The following NSG1 variants were observed in gnomAD, a reference collection of about 807,000 sequenced individuals.
NSG1 encodes the protein neuronal vesicle trafficking-associated protein 1.
NSG1 carries 9 observed loss-of-function variants against 19.3 expected under a neutral mutation model. That is an observed-to-expected ratio of 0.47 (90% CI 0.28 to 0.81). The LOEUF is 0.81. Ranked by LOEUF, NSG1 falls within the 40% of genes least tolerant of loss-of-function variation. The pLI is 0.11. For missense variants in NSG1, 236 were observed against 242.4 expected (o/e 0.97, Z 0.18); for synonymous variants, 104 against 107.0 (o/e 0.97, Z 0.17).
At chr4:4,407,866 T>C (rs902435344) in intron 3 of NSG1, among the ~76,000 whole-genome samples, 2 of 152,070 alleles carry the variant, frequency 1.3e-5, no homozygotes, top group African/African-American at 4.8e-5. Flanking sequence ...GCAGGCAGAA[T>C]CTGCACCCTG....
At chr4:4,416,870 C>T (rs1011575054) in intron 4 of NSG1, among the ~76,000 whole-genome samples, 1 of 152,190 alleles carries the variant, frequency 6.6e-6, no homozygotes, top group Non-Finnish European at 1.5e-5. Flanking sequence ...ACTTCCCTTC[C>T]GTCCTCATTT....
chr4:4,408,310 G>A (rs1335615556), intron 3 of NSG1, among the ~76,000 whole-genome samples: 1 of 152,186 alleles, frequency 6.6e-6, no homozygotes, highest in East Asian at 1.9e-4. Context: ...GAGGGGCGGT[G>A]GGGAGCGAGC....
At chr4:4,406,131 G>A (rs1291599939) in intron 3 of NSG1, among the ~76,000 whole-genome samples, 1 of 152,058 alleles carries the variant, frequency 6.6e-6, no homozygotes. Context: ...GGGTTCAAGC[G>A]ATTCTCCTGC....
chr4:4,398,455 A>G (rs1326700709), intron 3 of NSG1, among the ~76,000 whole-genome samples: 1 of 144,560 alleles, frequency 6.9e-6, no homozygotes, highest in East Asian at 2.0e-4. Context: ...GCCCCCCCCC[A>G]CAGCCCCTGG....
chr4:4,397,629 G>A (rs1577283942), intron 3 of NSG1, among the ~76,000 whole-genome samples: 1 of 152,358 alleles, frequency 6.6e-6, no homozygotes, highest in East Asian at 1.9e-4. Context: ...TTTCACGTGA[G>A]TGACCATGTA....
chr4:4,388,741 T>TGTGGGGTGGGGGTGTCCTG (rs1722860050), intron 2 of NSG1, among the ~76,000 whole-genome samples: 1 of 147,266 alleles, frequency 6.8e-6, no homozygotes, highest in Non-Finnish European at 1.5e-5. Context: ...GGGTGGGTGT[T>TGTGGGGTGGGGGTGTCCTG]GTGGGGTGGG....
chr4:4,413,020 C>G (rs1267228938), intron 4 of NSG1, among the ~76,000 whole-genome samples: 2 of 152,168 alleles, frequency 1.3e-5, no homozygotes, highest in African/African-American at 4.8e-5. Context: ...GCACATCATG[C>G]TGTCCTTCAG....
chr4:4,387,699 A>G lies in NSG1; in HGVS notation c.70A>G (p.Thr24Ala), dbSNP rs1722801385. The G allele has an allele frequency of 1.2e-6, 2 of 1,613,646 alleles. No individual in the cohort carries two copies. The highest frequency in any genetic ancestry group is 1.3e-5 in the African/African-American group (1 of 75,014). ...GCCGCTGCTGGAGGATGGCTTCGAC[A>G]CCATTCCCCTGATGACGCCCCTCGA... The part of the protein sequence containing the change: ...KQPLLEDGFD[T>A]IPLMTPLDVN... Residue 24 changes from threonine to alanine, a missense_variant, in exon 2 of 5, where the codon ACC becomes GCC. Thr to Ala is a moderately conservative substitution (Grantham distance 58). Coordinates refer to ENST00000621129, the MANE Select transcript of NSG1 (RefSeq NM_014392.5).
intron 3 of NSG1, among the ~76,000 whole-genome samples, chr4:4,397,045 G>GTGTGTGTGTGTC (rs1379403011): frequency 2.0e-5 from 3 of 151,770 alleles, no homozygotes; most frequent in Non-Finnish European, 4.4e-5. Context: ...TCATCTGTGT[G>GTGTGTGTGTGTC]TGTGTGTGTG....
intron 3 of NSG1, among the ~76,000 whole-genome samples, chr4:4,396,670 G>C (rs1331749793): frequency 1.8e-5 from 1 of 57,090 alleles, no homozygotes; most frequent in African/African-American, 3.9e-5. Flanking sequence ...TAATGACCTT[G>C]AGCTTCCTGC....
At chr4:4,387,457 C>T (rs561409248) in intron 1 of NSG1, 147 bp from the exon 2 acceptor site, 43 of 606,820 alleles carry the variant, frequency 7.1e-5, no homozygotes, top group African/African-American at 5.9e-4. Context: ...GGGCCGTGAC[C>T]ACCGCGTCCC....
chr4:4,411,407 G>T (rs1724172654), intron 4 of NSG1, among the ~76,000 whole-genome samples: 2 of 152,172 alleles, frequency 1.3e-5, no homozygotes, highest in South Asian at 4.1e-4. Context: ...CCACTGGAAG[G>T]TCTTCAGGAG....
intron 4 of NSG1, 39 bp from the exon 5 acceptor site, chr4:4,417,184 GGCACCCCCTCTT>G: frequency 6.6e-7 from 1 of 1,521,524 alleles, no homozygotes; most frequent in Non-Finnish European, 9.1e-7. Context: ...GAGACACACT[GGCACCCCCTCTT>G]GCACCGACGC....
chr4:4,401,950 G>A (rs1341612833), intron 3 of NSG1, among the ~76,000 whole-genome samples: 2 of 151,656 alleles, frequency 1.3e-5, no homozygotes, highest in African/African-American at 2.4e-5. Flanking sequence ...GCACCATCTC[G>A]GCTCACTTCA....
At chr4:4,395,798 C>T (rs1456175356) in intron 3 of NSG1, among the ~76,000 whole-genome samples, 1 of 152,186 alleles carries the variant, frequency 6.6e-6, no homozygotes, top group African/African-American at 2.4e-5. Flanking sequence ...CTCGCCTTTC[C>T]GATCTTGAAG....
Position 4,390,224 on chromosome 4 carries a change from C to T in NSG1, c.130-1251C>T, listed in dbSNP as rs375581282. Among the ~76,000 whole-genome samples, 5 of 152,344 alleles carry T rather than the reference C, an allele frequency of 3.3e-5. No individual in the cohort carries two copies. The East Asian group carries it at 9.7e-4, about 29-fold the overall frequency. ...CAACCACTGCCTCAAGCAATGAGTG[C>T]CTCACAGGGGTGGGTGCCCAGGCCA... On this transcript the variant is annotated intron_variant, in intron 2 of 4. Coordinates refer to ENST00000621129, the MANE Select transcript of NSG1 (RefSeq NM_014392.5).
chr4:4,408,751 C>T (rs759334830), intron 3 of NSG1, among the ~76,000 whole-genome samples: 7 of 152,218 alleles, frequency 4.6e-5, no homozygotes, highest in Admixed American at 2.6e-4. Context: ...TGAGTCACCA[C>T]GCCCAGCCCG....
At chr4:4,401,232 G>A (rs985817963) in intron 3 of NSG1, among the ~76,000 whole-genome samples, 4 of 152,238 alleles carry the variant, frequency 2.6e-5, no homozygotes, top group African/African-American at 7.2e-5. Context: ...ACACATGCAT[G>A]CATATCAGTG....
intron 3 of NSG1, among the ~76,000 whole-genome samples, chr4:4,405,013 G>T (rs1560144569): frequency 1.3e-5 from 2 of 152,124 alleles, no homozygotes; most frequent in South Asian, 4.1e-4. Context: ...TCTGCTGTTA[G>T]GGGCCCTATA....
Sources: gnomAD v4.1 joint callset for allele counts (sites outside exome capture counted in the v4.1 genomes callset) on GRCh38, gnomAD v4.1.1 for gene constraint, MANE v1.5 for transcripts, NCBI Gene and HGNC (gene_info 2026-07-23, HGNC 2026-07-21) for gene names.